ASXL3: variants seen among roughly 807,000 people sequenced by gnomAD.
ASXL3 encodes the protein ASXL transcriptional regulator 3.
ASXL3 carries 34 observed loss-of-function variants against 170.6 expected under a neutral mutation model. That is an observed-to-expected ratio of 0.20 (90% confidence interval 0.15 to 0.27). The LOEUF is 0.27. Among genes scored for constraint, ASXL3 ranks in the 10% least tolerant of loss-of-function variants. ASXL3 has a pLI of 1.00. For missense variants in ASXL3, 2,592 were observed against 2,695.3 expected (o/e 0.96, Z 0.85); for synonymous variants, 1,002 against 989.1 (o/e 1.01, Z -0.24).
At position 33,668,770 on chromosome 18, in the gene ASXL3, C is replaced by T. The variant is rs115912203; in HGVS notation, c.478-1903C>T. ...CTCTAGAAATTGAGGTCAAAATTTTCGTTGCTTTAATTATTATTTACCACA... is the reference window on the plus strand; with the variant it reads ...CTCTAGAAATTGAGGTCAAAATTTTTGTTGCTTTAATTATTATTTACCACA... On this transcript the variant is annotated intron_variant, in intron 5 of 11. Coordinates refer to ENST00000269197, the MANE Select transcript of ASXL3 (RefSeq NM_030632.3). Among the ~76,000 whole-genome samples the T allele has an allele frequency of 6.0e-3, 911 of 152,086 alleles. 10 individuals carry two copies. The highest frequency in any genetic ancestry group is 0.021 in the African/African-American group (862 of 41,490).
chr18:33,738,653 G>A lies in ASXL3; in HGVS notation c.1249G>A (p.Gly417Ser). 2 of 1,613,876 alleles carry A rather than the reference G, an allele frequency of 1.2e-6. No homozygotes were observed. Among genetic ancestry groups the A allele is most frequent in the Non-Finnish European group, 8.5e-7 (1 of 1,179,834 alleles). Residue 417 changes from glycine to serine, a missense_variant, in exon 11 of 12, where the codon GGT becomes AGT. Physicochemically the swap from Gly to Ser is moderately conservative, Grantham distance 56 (BLOSUM62 0). Around this residue, in one of 4 missense-constraint regions of ASXL3, gnomAD observed 2,246 missense variants for 2,219.6 expected, o/e 1.01. Transcript: ENST00000269197. Reference sequence around the variant, plus strand: ...GAAAAGCCCAGCTTCTCCAGAGCCTGGTTTCTGTGCTACTCTTTGCCCTAT... The same window carrying A: ...GAAAAGCCCAGCTTCTCCAGAGCCTAGTTTCTGTGCTACTCTTTGCCCTAT... Reference protein sequence around the residue: ...SMKSPASPEPGFCATLCPMVE... With the variant: ...SMKSPASPEPSFCATLCPMVE...
Position 33,578,418 on chromosome 18 carries a change from C to A in ASXL3, c.-214C>A. The A allele has an allele frequency of 1.0e-5, 1 of 97,054 alleles. No individual in the cohort carries two copies. Among genetic ancestry groups the A allele is most frequent in the Non-Finnish European group, 2.1e-5 (1 of 46,782 alleles). The allele number at this position is 97,054 out of a possible 1,614,324, so 6.0% of individuals were successfully genotyped here. A position where few individuals can be genotyped will look rare whatever the true frequency, so the allele number is the denominator to read the frequency against. On this transcript the variant is annotated 5_prime_UTR_variant, in exon 1 of 12. Coordinates refer to ENST00000269197, the MANE Select transcript of ASXL3 (RefSeq NM_030632.3). The stretch of plus-strand genomic sequence containing the variant: ...GCCGCCGCCGCCGCCGTCGCGCGCC[C>A]CCACCCACTCCACCCCACCCCCTCG...
At chr18:33,697,627 A>G (rs73424729) in intron 8 of ASXL3, among the ~76,000 whole-genome samples, 12,031 of 152,098 alleles carry the variant, frequency 0.079, 522 homozygotes, top group African/African-American at 0.084. Context: ...CTGGCCCTGT[A>G]TGAGCACAGG....
At chr18:33,692,098 A>G (rs1052685323) in intron 8 of ASXL3, among the ~76,000 whole-genome samples, 5 of 152,218 alleles carry the variant, frequency 3.3e-5, no homozygotes, top group East Asian at 1.9e-4. Flanking sequence ...CTTGTCCCCA[A>G]GATGCAAAGG....
intron 1 of ASXL3, among the ~76,000 whole-genome samples, chr18:33,606,381 A>T (rs2145121560): frequency 6.6e-6 from 1 of 152,004 alleles, no homozygotes; most frequent in Non-Finnish European, 1.5e-5. Context: ...AAAGGAGGAA[A>T]TTTCCTGGGA....
At chr18:33,610,363 A>G (rs1390770887) in intron 2 of ASXL3, among the ~76,000 whole-genome samples, 5 of 152,016 alleles carry the variant, frequency 3.3e-5, no homozygotes, top group African/African-American at 1.2e-4. Flanking sequence ...TAATATGGCC[A>G]TAACCCTCTG....
At chr18:33,662,691 A>G (rs1030573892) in intron 5 of ASXL3, among the ~76,000 whole-genome samples, 5 of 152,292 alleles carry the variant, frequency 3.3e-5, no homozygotes, top group East Asian at 1.9e-4. Context: ...CTCTGATACA[A>G]TCATCTATTT....
At chr18:33,667,361 G>C (rs559282369) in intron 5 of ASXL3, among the ~76,000 whole-genome samples, 2 of 152,064 alleles carry the variant, frequency 1.3e-5, no homozygotes, top group Non-Finnish European at 2.9e-5. Context: ...CATGGTCTGG[G>C]GAGGCTAGAA....
intron 1 of ASXL3, among the ~76,000 whole-genome samples, chr18:33,584,530 C>T (rs1282064286): frequency 1.3e-5 from 2 of 152,006 alleles, no homozygotes; most frequent in Non-Finnish European, 2.9e-5. Flanking sequence ...GAAGCTGTTT[C>T]TGAATGTTTT....
At chr18:33,632,352 A>G (rs2065691505) in intron 2 of ASXL3, among the ~76,000 whole-genome samples, 1 of 152,176 alleles carries the variant, frequency 6.6e-6, no homozygotes, top group African/African-American at 2.4e-5. Flanking sequence ...CTCTACAACC[A>G]TGACAATCAC....
At chr18:33,594,965 T>C (rs1446780684) in intron 1 of ASXL3, among the ~76,000 whole-genome samples, 1 of 152,190 alleles carries the variant, frequency 6.6e-6, no homozygotes, top group Non-Finnish European at 1.5e-5. Context: ...TGGTTTGTAG[T>C]ATAAACCATT....
rs2067827601 is a variant in ASXL3 at position 33,748,178 on chromosome 18, A to T, written c.*1583A>T. 6.6e-6 allele frequency: 1 copy of T among 152,180 alleles called. No homozygotes were observed. The highest frequency in any genetic ancestry group is 1.5e-5 in the Non-Finnish European group (1 of 68,036). 9.4% of individuals were successfully genotyped at this position (152,180 alleles called of 1,614,324 possible). A position where few individuals can be genotyped will look rare whatever the true frequency, so the allele number is the denominator to read the frequency against. On this transcript the variant is annotated 3_prime_UTR_variant, in exon 12 of 12. Transcript: ENST00000269197. ...AGAATGACCAATATTTTCACATGGG[A>T]TCATCCTAATCACTGTAAACTTTTT...
intron 8 of ASXL3, among the ~76,000 whole-genome samples, chr18:33,721,916 CATA>C (rs2067267200): frequency 6.6e-6 from 1 of 151,866 alleles, no homozygotes; most frequent in South Asian, 2.1e-4. Context: ...TGGTAATTCT[CATA>C]ATATTTCAAG....
chr18:33,742,984 G>T lies in ASXL3; in HGVS notation c.3136G>T (p.Gly1046Trp). ...RASTSTSVSG[G>W]RNTGARTLAD... ...ATCCACTAGCACATCTGTCAGTGGCGGGAGGAACACAGGAGCCAGGACCCT... is the reference window on the plus strand; with the variant it reads ...ATCCACTAGCACATCTGTCAGTGGCTGGAGGAACACAGGAGCCAGGACCCT... The change falls in exon 12 of 12, where the codon GGG (glycine) becomes TGG (tryptophan). Residue 1046 changes from glycine (G) to tryptophan (W), a missense_variant. By Grantham distance (184) the Gly-to-Trp change is radical. Around this residue, in one of 4 missense-constraint regions of ASXL3, gnomAD observed 2,246 missense variants for 2,219.6 expected, o/e 1.01. Transcript: ENST00000269197. 1 of 1,613,764 alleles carries T rather than the reference G, an allele frequency of 6.2e-7. No homozygotes were observed. The highest frequency in any genetic ancestry group is 8.5e-7 in the Non-Finnish European group (1 of 1,179,794).
intron 2 of ASXL3, among the ~76,000 whole-genome samples, chr18:33,641,978 A>G (rs1175577795): frequency 6.6e-6 from 1 of 152,044 alleles, no homozygotes; most frequent in Non-Finnish European, 1.5e-5. Flanking sequence ...TTTGTTGAAT[A>G]AATTAAAAAT....
intron 5 of ASXL3, among the ~76,000 whole-genome samples, chr18:33,664,074 G>C (rs1048199824): frequency 6.6e-5 from 10 of 152,042 alleles, no homozygotes; most frequent in African/African-American, 2.4e-4. Flanking sequence ...CTGATAATTA[G>C]CTGTTATGGT....
chr18:33,615,093 C>CTA (rs924632161), intron 2 of ASXL3, among the ~76,000 whole-genome samples: 36 of 152,212 alleles, frequency 2.4e-4, no homozygotes, highest in Admixed American at 1.2e-3. Context: ...ACCTCTCTAC[C>CTA]TATGAAAGTC....
chr18:33,721,604 T>C (rs2067261377), intron 8 of ASXL3, among the ~76,000 whole-genome samples: 1 of 152,070 alleles, frequency 6.6e-6, no homozygotes, highest in Non-Finnish European at 1.5e-5. Flanking sequence ...ATCATAACAA[T>C]AATGACAAAA....
At chr18:33,670,513 T>G (rs991310156) in intron 5 of ASXL3, among the ~76,000 whole-genome samples, 160 bp from the exon 6 acceptor site, 2 of 152,286 alleles carry the variant, frequency 1.3e-5, no homozygotes, top group Admixed American at 1.3e-4. Flanking sequence ...GAAAATGACA[T>G]GAAGGTAACT....
Sources: gnomAD v4.1 joint callset for allele counts (sites outside exome capture counted in the v4.1 genomes callset) on GRCh38, gnomAD v4.1.1 for gene constraint, gnomAD v4.1.1 regional missense constraint, MANE v1.5 for transcripts, NCBI Gene and HGNC (gene_info 2026-07-23, HGNC 2026-07-21) for gene names.